Variants in GABRB2 observed in about 807,000 individuals in gnomAD.
The protein encoded by GABRB2 is gamma-aminobutyric acid receptor subunit beta-2.
In GABRB2, 16 loss-of-function variants were observed where a neutral mutation model predicts 54.7. That is an observed-to-expected ratio of 0.29 (90% CI 0.20 to 0.44). The LOEUF (loss-of-function observed/expected upper bound fraction) is 0.44. GABRB2 is among the 20% of genes least tolerant of loss of function. GABRB2 has a pLI of 1.00. For synonymous variants in GABRB2, 244 were observed against 233.8 expected, an observed-to-expected ratio of 1.04 and a Z score of -0.40; for missense variants, 355 against 644.0, an observed-to-expected ratio of 0.55 and a Z score of 4.86.
chr5:161,369,486 A>G (rs1755068523), intron 5 of GABRB2, among the ~76,000 whole-genome samples: 1 of 152,072 alleles, frequency 6.6e-6, no homozygotes, highest in Admixed American at 6.6e-5. Flanking sequence ...CCTTTAATTT[A>G]GAAAGAACGA....
rs1280427519 is a variant in GABRB2, at chr5:161,349,512, T to C, written c.542-12743A>G. Among the ~76,000 whole-genome samples the C allele has an allele frequency of 2.6e-5, 4 of 151,966 alleles. No homozygotes were observed. In the East Asian group the frequency reaches 7.8e-4, roughly 29 times the overall value. ...GGAGCTTAATTCCCCTCCCCTGGAG[T>C]GTAGGCTGTATTTATTGATGCACTT... On this transcript the variant is annotated intron_variant, in intron 5 of 9. Transcript: ENST00000393959.
intron 3 of GABRB2, among the ~76,000 whole-genome samples, chr5:161,478,756 G>A (rs1282899803): frequency 6.6e-6 from 1 of 151,956 alleles, no homozygotes; most frequent in African/African-American, 2.4e-5. Flanking sequence ...TACTTGTGAT[G>A]AGCAGGGTCC....
At chr5:161,429,340 C>A (rs1424613800) in intron 4 of GABRB2, among the ~76,000 whole-genome samples, 2 of 150 alleles carry the variant, frequency 0.013, no homozygotes, top group Non-Finnish European at 0.024. Flanking sequence ...AGCAAGAATC[C>A]GTCTCAAAAA....
intron 3 of GABRB2, among the ~76,000 whole-genome samples, chr5:161,485,726 C>G (rs1489677500): frequency 6.6e-6 from 1 of 151,926 alleles, no homozygotes; most frequent in East Asian, 1.9e-4. Context: ...ATTTCATCCT[C>G]CTAGTTCATA....
intron 5 of GABRB2, among the ~76,000 whole-genome samples, chr5:161,383,757 C>G (rs1271938840): frequency 1.3e-5 from 2 of 152,092 alleles, no homozygotes; most frequent in Non-Finnish European, 2.9e-5. Flanking sequence ...GAACCAAATC[C>G]CAGGCAATAT....
At chr5:161,474,070 C>T (rs1247595507) in intron 3 of GABRB2, among the ~76,000 whole-genome samples, 1 of 151,852 alleles carries the variant, frequency 6.6e-6, no homozygotes, top group African/African-American at 2.4e-5. Flanking sequence ...GAAGAAAGTC[C>T]CAAGCCCAGG....
intron 3 of GABRB2, among the ~76,000 whole-genome samples, chr5:161,479,560 G>A (rs552543511): frequency 6.7e-6 from 1 of 150,342 alleles, no homozygotes. Flanking sequence ...CAAAATAGCA[G>A]AGTAACCATG....
intron 3 of GABRB2, among the ~76,000 whole-genome samples, chr5:161,537,953 A>G (rs1338511601): frequency 6.6e-6 from 1 of 151,652 alleles, no homozygotes; most frequent in Non-Finnish European, 1.5e-5. Context: ...TCTGCTTGGA[A>G]CATCTATCCA....
At chr5:161,477,001 A>G (rs1409491177) in intron 3 of GABRB2, among the ~76,000 whole-genome samples, 1 of 151,910 alleles carries the variant, frequency 6.6e-6, no homozygotes, top group African/African-American at 2.4e-5. Flanking sequence ...AACCTAAGGA[A>G]TGGGAGAAAA....
At chr5:161,493,029 G>T (rs1759127713) in intron 3 of GABRB2, among the ~76,000 whole-genome samples, 1 of 151,666 alleles carries the variant, frequency 6.6e-6, no homozygotes, top group Admixed American at 6.6e-5. Flanking sequence ...ATTTCTGAAT[G>T]ATAGATTGCT....
In GABRB2 at chr5:161,291,526, G is replaced by A. The variant is rs1022940608; in HGVS notation, c.*2555C>T. 1.3e-5 allele frequency: 2 copies of A among 152,344 alleles called. No individual in the cohort carries two copies. The highest frequency in any genetic ancestry group is 2.9e-5 in the Non-Finnish European group (2 of 68,000). The allele number at this position is 152,344 out of a possible 1,614,324, so 9.4% of individuals were successfully genotyped here. ...ATCTCTGTGGTTACTGAGTGCCAATGTATGCTTTTTACTCTAGGGCATTGC... is the reference window on the plus strand; with the variant it reads ...ATCTCTGTGGTTACTGAGTGCCAATATATGCTTTTTACTCTAGGGCATTGC... On this transcript the variant is annotated 3_prime_UTR_variant, in exon 10 of 10. Coordinates refer to ENST00000393959, the MANE Select transcript of GABRB2 (RefSeq NM_001371727.1).
At chr5:161,354,846 G>T (rs139794317) in intron 5 of GABRB2, among the ~76,000 whole-genome samples, 3 of 151,976 alleles carry the variant, frequency 2.0e-5, no homozygotes, top group African/African-American at 7.2e-5. Context: ...ATTACTTTTT[G>T]CAATTGCTTT....
chr5:161,370,600 C>A (rs902003645), intron 5 of GABRB2, among the ~76,000 whole-genome samples: 1 of 152,180 alleles, frequency 6.6e-6, no homozygotes, highest in Non-Finnish European at 1.5e-5. Context: ...TCTTCTCTCC[C>A]AGCATTCAAT....
At chr5:161,365,914 T>C (rs1754958369) in intron 5 of GABRB2, among the ~76,000 whole-genome samples, 1 of 151,988 alleles carries the variant, frequency 6.6e-6, no homozygotes, top group South Asian at 2.1e-4. Context: ...GCTATTTCTT[T>C]CTCTGAAATT....
In GABRB2 at chr5:161,384,588, T is replaced by A. The variant is rs72813534; in HGVS notation, c.541+26387A>T. The stretch of plus-strand genomic sequence containing the variant: ...TGCCAGGAGTATAAGTTCTTGGTTT[T>A]AATAAGGATAAGAGATGGTCTCAGC... On this transcript the variant is annotated intron_variant, in intron 5 of 9. Coordinates refer to ENST00000393959, the MANE Select transcript of GABRB2 (RefSeq NM_001371727.1). Among the ~76,000 whole-genome samples the A allele has an allele frequency of 1.3e-3, 200 of 152,316 alleles. 2 individuals are homozygous for A. The highest frequency in any genetic ancestry group is 2.7e-3 in the South Asian group (13 of 4,828).
intron 9 of GABRB2, among the ~76,000 whole-genome samples, chr5:161,310,920 C>T (rs1356199874): frequency 2.6e-5 from 4 of 152,076 alleles, no homozygotes; most frequent in Non-Finnish European, 5.9e-5. Context: ...ACCACCACGC[C>T]CGGCTAATTT....
chr5:161,466,780 T>C (rs1449024212), intron 3 of GABRB2, among the ~76,000 whole-genome samples: 1 of 152,042 alleles, frequency 6.6e-6, no homozygotes, highest in Non-Finnish European at 1.5e-5. Context: ...GCCCTCCCCT[T>C]CCCCTTCATT....
chr5:161,443,312 C>T (rs1472227514), intron 4 of GABRB2, among the ~76,000 whole-genome samples: 1 of 152,088 alleles, frequency 6.6e-6, no homozygotes, highest in African/African-American at 2.4e-5. Flanking sequence ...AACAATAACA[C>T]TTTTTCATAA....
intron 3 of GABRB2, among the ~76,000 whole-genome samples, chr5:161,499,397 A>T (rs1759358949): frequency 6.6e-6 from 1 of 152,128 alleles, no homozygotes; most frequent in Non-Finnish European, 1.5e-5. Context: ...CCATTTATTC[A>T]TCTCTAACAT....
Sources: allele counts gnomAD v4.1 joint callset (sites outside exome capture counted in the v4.1 genomes callset), GRCh38; gene constraint gnomAD v4.1.1; transcripts MANE v1.5; gene names NCBI Gene and HGNC (gene_info 2026-07-23, HGNC 2026-07-21).